SPTA1: variants seen among roughly 807,000 people sequenced by gnomAD.
SPTA1 encodes spectrin alpha, erythrocytic 1, also known as spectrin alpha chain, erythrocytic 1.
In SPTA1, 177 loss-of-function variants were observed where a neutral mutation model predicts 324.7. The observed-to-expected ratio is 0.55, with a 90% CI of 0.48 to 0.62. The LOEUF is 0.62. SPTA1 is among the 20% of genes least tolerant of loss of function. SPTA1 has a pLI of 0.00. For missense variants in SPTA1, 3,162 were observed against 2,883.6 expected (o/e 1.10, Z -2.21); for synonymous variants, 1,195 against 1,041.3 (o/e 1.15, Z -2.84).
intron 8 of SPTA1, among the ~76,000 whole-genome samples, chr1:158,675,697 G>A (rs1390555533): frequency 6.6e-6 from 1 of 152,028 alleles, no homozygotes; most frequent in Non-Finnish European, 1.5e-5. Flanking sequence ...TTAAACATAA[G>A]CACTGTGATA....
chr1:158,648,366 C>G, intron 26 of SPTA1, 143 bp downstream of exon 26: 1 of 1,237,746 alleles, frequency 8.1e-7, no homozygotes, highest in Non-Finnish European at 1.2e-6. Flanking sequence ...GCCTTAGGGA[C>G]AGTGTACAAG....
At chr1:158,612,600 G>T in intron 51 of SPTA1, 4 of 558,272 alleles carry the variant, frequency 7.2e-6, no homozygotes, top group Non-Finnish European at 1.3e-5. Flanking sequence ...TGCAGATTTT[G>T]AATTGACTCT....
In SPTA1 at chr1:158,671,364, A is replaced by G. The variant is rs754248299; in HGVS notation, c.1578T>C (p.Thr526=). Residue 526 remains threonine, a synonymous_variant, in exon 12 of 52, where the codon ACT becomes ACC. Transcript: ENST00000643759. ...TTACTATGATCTTCTCTTCCTGGGC[A>G]GTAAAGGCTTCCTCAAAGTCTTCAT... The part of the protein sequence containing the change: ...QKHEDFEEAF[T]AQEEKIITVD... 1.9e-6 allele frequency: 3 copies of G among 1,613,578 alleles called. No homozygotes were observed. Among genetic ancestry groups the G allele is most frequent in the Non-Finnish European group, 2.5e-6 (3 of 1,179,834 alleles).
chr1:158,614,993 T>A (rs1403698746), intron 48 of SPTA1: 1 of 539,018 alleles, frequency 1.9e-6, no homozygotes, highest in African/African-American at 1.9e-5. Flanking sequence ...GTTGTCCAAG[T>A]GGGTGATGAG....
chr1:158,624,587 G>A (rs1472751470), intron 42 of SPTA1, among the ~76,000 whole-genome samples: 2 of 152,130 alleles, frequency 1.3e-5, no homozygotes, highest in African/African-American at 2.4e-5. Context: ...ATTGTATTTA[G>A]GAAGTAACTA....
In SPTA1 at chr1:158,681,676, A is replaced by G. The variant is rs758694036; in HGVS notation, c.391-9T>C. 3 of 1,613,468 alleles carry G rather than the reference A, an allele frequency of 1.9e-6. No individual in the cohort carries two copies. The highest frequency in any genetic ancestry group is 2.5e-6 in the Non-Finnish European group (3 of 1,179,642). ...AGCTCCTCTATATGGGCCTTTAGGA[A>G]AGAGGGGCAAAACCACTCAGCCACA... On this transcript the variant is annotated splice_polypyrimidine_tract_variant and intron_variant, in intron 3 of 51. Transcript: ENST00000643759.
chr1:158,669,746 T>C lies in SPTA1; in HGVS notation c.1640A>G (p.His547Arg), dbSNP rs761524291. 2.8e-5 allele frequency: 46 copies of C among 1,614,122 alleles called. No homozygotes were observed. Among genetic ancestry groups the C allele is most frequent in the Non-Finnish European group, 3.8e-5 (45 of 1,179,974 alleles). ...AGCCTTGATGTTCTCTGAATCATAATGGTCATCACCAATCAATTTGGTTGC... is the reference window on the plus strand; with the variant it reads ...AGCCTTGATGTTCTCTGAATCATAACGGTCATCACCAATCAATTTGGTTGC... The part of the protein sequence containing the change: ...KTATKLIGDD[H>R]YDSENIKAIR... The change falls in exon 13 of 52, where the codon CAT (histidine) becomes CGT (arginine). Residue 547 changes from histidine (H) to arginine (R), a missense_variant. Physicochemically the swap from His to Arg is conservative, Grantham distance 29. Coordinates refer to ENST00000643759, the MANE Select transcript of SPTA1 (RefSeq NM_003126.4).
intron 16 of SPTA1, among the ~76,000 whole-genome samples, chr1:158,665,173 A>G (rs7553885): frequency 0.077 from 11,682 of 152,114 alleles, 1,536 homozygotes; most frequent in African/African-American, 0.27. Flanking sequence ...ATCTTCTTCA[A>G]GATGTCCTTT....
chr1:158,679,543 T>A lies in SPTA1; in HGVS notation c.679-1009A>T, dbSNP rs569879641. 5.9e-5 allele frequency among the ~76,000 whole-genome samples: 9 copies of A among 152,218 alleles called. No homozygotes were observed. In the South Asian group the frequency reaches 1.9e-3, roughly 32 times the overall value. On this transcript the variant is annotated intron_variant, in intron 5 of 51. Coordinates refer to ENST00000643759, the MANE Select transcript of SPTA1 (RefSeq NM_003126.4). ...TATGTAAGAAGCATGGTCTACTGCA[T>A]GATGAGAGGTCACCCAGAGATCTCC...
chr1:158,671,993 A>C, intron 11 of SPTA1, 66 bp downstream of exon 11: 1 of 1,594,546 alleles, frequency 6.3e-7, no homozygotes, highest in South Asian at 1.1e-5. Context: ...AACTCATGGT[A>C]GTCATGGTGG....
intron 5 of SPTA1, among the ~76,000 whole-genome samples, chr1:158,680,236 T>A (rs1484288111): frequency 1.3e-5 from 2 of 152,164 alleles, no homozygotes; most frequent in Non-Finnish European, 2.9e-5. Flanking sequence ...ATTTTTGTGT[T>A]TTTTCATGAA....
In SPTA1 at chr1:158,667,571, GA is replaced by G. The variant is rs374741722; in HGVS notation, c.2038+286del. ...AAGGGAAAGAAAAACAACAAAGTAG[GA>G]AAAAAGTGAGGAAAACAAAAGCAAT... is the stretch of plus-strand genomic sequence containing the variant. On this transcript the variant is annotated intron_variant, in intron 15 of 51. Coordinates refer to ENST00000643759, the MANE Select transcript of SPTA1 (RefSeq NM_003126.4). Among the ~76,000 whole-genome samples, 433 of 152,076 alleles carry G rather than the reference GA, an allele frequency of 2.8e-3. 2 individuals carry two copies. Among genetic ancestry groups the G allele is most frequent in the African/African-American group, 9.3e-3 (384 of 41,504 alleles).
At chr1:158,668,155 T>A in intron 14 of SPTA1, 93 bp from the exon 15 acceptor site, 1 of 1,337,346 alleles carries the variant, frequency 7.5e-7, no homozygotes, top group Non-Finnish European at 1.1e-6. Flanking sequence ...ACTATAAATC[T>A]AACGAACGAT....
intron 29 of SPTA1, 99 bp downstream of exon 29, chr1:158,645,089 C>G: frequency 8.0e-7 from 1 of 1,245,520 alleles, no homozygotes; most frequent in South Asian, 1.2e-5. Flanking sequence ...GTGTTTATAA[C>G]GTGGAAAGTC....
At chr1:158,646,044 G>A (rs369545787) in intron 27 of SPTA1, among the ~76,000 whole-genome samples, 5 of 152,262 alleles carry the variant, frequency 3.3e-5, no homozygotes, top group African/African-American at 9.6e-5. Flanking sequence ...TCTTATTACA[G>A]AGTCTCAAAG....
chr1:158,652,228 A>G (rs918598627), intron 23 of SPTA1, among the ~76,000 whole-genome samples: 1 of 152,188 alleles, frequency 6.6e-6, no homozygotes, highest in Non-Finnish European at 1.5e-5. Flanking sequence ...CCAGCACTCC[A>G]GGGAGGATTT....
chr1:158,649,989 C>G (rs368461225), intron 24 of SPTA1, 42 bp from the exon 25 acceptor site: 10 of 1,364,412 alleles, frequency 7.3e-6, no homozygotes, highest in Non-Finnish European at 9.4e-6. Context: ...AGAGAACTAA[C>G]TCACATGGCT....
chr1:158,627,677 T>C lies in SPTA1; in HGVS notation c.5612A>G (p.His1871Arg), dbSNP rs754734157. Residue 1871 changes from histidine to arginine, a missense_variant, in exon 40 of 52, where the codon CAT (histidine) becomes CGT (arginine). Coordinates refer to ENST00000643759, the MANE Select transcript of SPTA1 (RefSeq NM_003126.4). ...HEALENDFAV[H>R]ETRVQNVCAQ... ...ACACACATTTTGTACTCGGGTCTCA[T>C]GGACAGCAAAGTCATTTTCCAAAGC... 5 of 1,613,426 alleles carry C rather than the reference T, an allele frequency of 3.1e-6. No homozygotes were observed. Among genetic ancestry groups the C allele is most frequent in the Non-Finnish European group, 4.2e-6 (5 of 1,179,772 alleles).
At chr1:158,684,587 T>C (rs965803095) in intron 2 of SPTA1, among the ~76,000 whole-genome samples, 1 of 152,138 alleles carries the variant, frequency 6.6e-6, no homozygotes, top group African/African-American at 2.4e-5. Context: ...AGAGGCAGAA[T>C]TACTGTTTCT....
Sources: allele counts gnomAD v4.1 joint callset (sites outside exome capture counted in the v4.1 genomes callset), GRCh38; gene constraint gnomAD v4.1.1; transcripts MANE v1.5; gene names NCBI Gene and HGNC (gene_info 2026-07-23, HGNC 2026-07-21).